The following CALN1 variants were observed in gnomAD, a reference collection of about 807,000 sequenced individuals.
The protein encoded by CALN1 is calneuron 1, also known as calcium-binding protein 8.
A neutral mutation model predicts 30.6 loss-of-function variants in CALN1; 17 were observed. The observed-to-expected ratio is 0.56, with a 90% CI of 0.38 to 0.83. The LOEUF (loss-of-function observed/expected upper bound fraction) is 0.83, where lower values mean the gene tolerates loss of function less well. Among genes scored for constraint, CALN1 ranks in the 40% least tolerant of loss-of-function variants. The pLI is 0.00. For synonymous variants in CALN1, 156 were observed against 131.4 expected, an observed-to-expected ratio of 1.19 and a Z score of -1.28; for missense variants, 291 against 354.9, an observed-to-expected ratio of 0.82 and a Z score of 1.45.
chr7:71,824,441 GCCTGAGT>G (rs1788792082), intron 5 of CALN1, among the ~76,000 whole-genome samples: 1 of 152,084 alleles, frequency 6.6e-6, no homozygotes, highest in African/African-American at 2.4e-5. Context: ...CCTCAGGGGT[GCCTGAGT>G]CCCCAGTGAA....
chr7:71,961,644 C>A (rs1402214234), intron 5 of CALN1, among the ~76,000 whole-genome samples: 2 of 152,202 alleles, frequency 1.3e-5, no homozygotes, highest in Non-Finnish European at 2.9e-5. Context: ...TCTCCACAAG[C>A]CATTCCCTCC....
chr7:72,136,361 T>G (rs1185548915), intron 3 of CALN1, among the ~76,000 whole-genome samples: 1 of 152,152 alleles, frequency 6.6e-6, no homozygotes, highest in Non-Finnish European at 1.5e-5. Context: ...GCGTCAAACT[T>G]TTTTTCTGCA....
intron 3 of CALN1, among the ~76,000 whole-genome samples, chr7:72,130,398 C>A (rs1809056223): frequency 6.6e-6 from 1 of 152,006 alleles, no homozygotes; most frequent in South Asian, 2.1e-4. Context: ...AAATGTTTAC[C>A]ATTTACTTAT....
intron 2 of CALN1, among the ~76,000 whole-genome samples, chr7:72,323,748 T>G (rs1223916331): frequency 1.3e-5 from 2 of 151,690 alleles, no homozygotes; most frequent in African/African-American, 2.4e-5. Flanking sequence ...TCAACGATCA[T>G]AATTTGCAGT....
chr7:72,167,821 C>T (rs1788632937), intron 3 of CALN1, among the ~76,000 whole-genome samples: 1 of 152,116 alleles, frequency 6.6e-6, no homozygotes, highest in Non-Finnish European at 1.5e-5. Flanking sequence ...AGTAATTTGG[C>T]TGGATTTGTA....
At chr7:72,180,939 A>C (rs183687103) in intron 3 of CALN1, among the ~76,000 whole-genome samples, 33 of 152,016 alleles carry the variant, frequency 2.2e-4, no homozygotes, top group Admixed American at 1.8e-3. Context: ...CTCTTCTAAA[A>C]ATACAAAAAA....
intron 2 of CALN1, among the ~76,000 whole-genome samples, chr7:72,361,259 C>A (rs961505491): frequency 1.3e-5 from 2 of 152,164 alleles, no homozygotes; most frequent in Non-Finnish European, 2.9e-5. Context: ...GCCAAGCCTC[C>A]AGAGCCTTGG....
chr7:71,813,753 C>T (rs1287131229), intron 5 of CALN1, among the ~76,000 whole-genome samples: 2 of 151,918 alleles, frequency 1.3e-5, no homozygotes, highest in Admixed American at 1.3e-4. Flanking sequence ...CATGGTGAAA[C>T]CCCGTCTCTA....
At chr7:71,984,054 C>A (rs1798540157) in intron 5 of CALN1, among the ~76,000 whole-genome samples, 1 of 152,060 alleles carries the variant, frequency 6.6e-6, no homozygotes, top group Non-Finnish European at 1.5e-5. Flanking sequence ...TATATATAAA[C>A]TCTTAAGAGT....
At chr7:71,855,720 G>A (rs1239692534) in intron 5 of CALN1, among the ~76,000 whole-genome samples, 1 of 152,064 alleles carries the variant, frequency 6.6e-6, no homozygotes, top group Non-Finnish European at 1.5e-5. Context: ...TCTGGTGCTG[G>A]CTACCCTATA....
chr7:72,255,232 C>T (rs1466038811), intron 3 of CALN1, among the ~76,000 whole-genome samples: 2 of 151,462 alleles, frequency 1.3e-5, no homozygotes, highest in Non-Finnish European at 2.9e-5. Flanking sequence ...ATTACAGGTG[C>T]CCGCCACCAC....
chr7:72,349,282 T>TTGTGTGTGTGTGTGTG (rs3032183), intron 2 of CALN1, among the ~76,000 whole-genome samples: 30 of 147,872 alleles, frequency 2.0e-4, no homozygotes, highest in African/African-American at 6.0e-4. Context: ...ACACGCGTGC[T>TTGTGTGTGTGTGTGTG]TGTGTGTGTG....
At chr7:71,963,264 G>A (rs981252592) in intron 5 of CALN1, among the ~76,000 whole-genome samples, 1 of 152,184 alleles carries the variant, frequency 6.6e-6, no homozygotes, top group Non-Finnish European at 1.5e-5. Context: ...CCTGGTTCAA[G>A]CGATTCTCCT....
chr7:71,958,688 C>A (rs905654793), intron 5 of CALN1, among the ~76,000 whole-genome samples: 1 of 152,236 alleles, frequency 6.6e-6, no homozygotes, highest in African/African-American at 2.4e-5. Context: ...GGACACACTT[C>A]CGGACAACTT....
intron 4 of CALN1, among the ~76,000 whole-genome samples, chr7:72,032,349 CCTGG>C (rs1304073459): frequency 6.6e-6 from 1 of 152,102 alleles, no homozygotes; most frequent in Non-Finnish European, 1.5e-5. Flanking sequence ...CCCAGCTACT[CCTGG>C]CTAATTTTTA....
At chr7:72,052,430 C>T (rs561456579) in intron 4 of CALN1, among the ~76,000 whole-genome samples, 228 of 151,602 alleles carry the variant, frequency 1.5e-3, no homozygotes, top group Non-Finnish European at 2.9e-3. Flanking sequence ...ACTGTTTACT[C>T]CAGCAGGCTC....
At chr7:72,212,374 AG>A (rs986512515) in intron 3 of CALN1, among the ~76,000 whole-genome samples, 1 of 150,088 alleles carries the variant, frequency 6.7e-6, no homozygotes, top group Non-Finnish European at 1.5e-5. Flanking sequence ...AAAATACCAG[AG>A]GGGGGAAGAA....
At chr7:72,154,567 T>TA in intron 3 of CALN1, among the ~76,000 whole-genome samples, 1 of 152,296 alleles carries the variant, frequency 6.6e-6, no homozygotes, top group Non-Finnish European at 1.5e-5. Context: ...ACCCGAGATG[T>TA]AAATGGCCTG....
intron 3 of CALN1, among the ~76,000 whole-genome samples, chr7:72,262,044 G>A (rs537616484): frequency 4.6e-5 from 7 of 152,332 alleles, no homozygotes; most frequent in South Asian, 4.1e-4. Flanking sequence ...GCTTTAGAGA[G>A]GAAGGCAGAG....
Sources: gnomAD v4.1 joint callset for allele counts (sites outside exome capture counted in the v4.1 genomes callset) on GRCh38, gnomAD v4.1.1 for gene constraint, MANE v1.5 for transcripts, NCBI Gene and HGNC (gene_info 2026-07-23, HGNC 2026-07-21) for gene names.